Variants in C5 observed in about 807,000 individuals in gnomAD.
C5 encodes the protein complement C5.
C5 carries 140 observed loss-of-function variants against 218.8 expected under a neutral mutation model. That is an observed-to-expected ratio of 0.64 (90% CI 0.56 to 0.74). The LOEUF (loss-of-function observed/expected upper bound fraction) is 0.74. C5 is among the 30% of genes least tolerant of loss of function. C5 has a pLI of 0.00. For missense variants in C5, 1,700 were observed against 1,969.6 expected, an observed-to-expected ratio of 0.86 and a Z score of 2.59; for synonymous variants, 614 against 682.3, an observed-to-expected ratio of 0.90 and a Z score of 1.56.
chr9:121,053,382 T>C (rs2047682364), upstream of C5, among the ~76,000 whole-genome samples: 1 of 152,046 alleles, frequency 6.6e-6, no homozygotes, highest in South Asian at 2.1e-4. Flanking sequence ...CTTCAGTAAC[T>C]CTCCATGGGA....
At chr9:121,042,857 G>A (rs1016005133) in intron 3 of C5, 147 bp downstream of exon 3, 1 of 610,952 alleles carries the variant, frequency 1.6e-6, no homozygotes, top group Non-Finnish European at 2.9e-6. Flanking sequence ...ATATTTGTAA[G>A]TATAGATGTC....
At chr9:121,063,321 A>T in the C5 span, among the ~76,000 whole-genome samples, 39 of 151,566 alleles carry the variant, frequency 2.6e-4, no homozygotes, top group Admixed American at 1.6e-3. Context: ...GTCCCTATTG[A>T]ATTTTTTATT....
At chr9:121,049,913 G>A (rs2047658942) in intron 1 of C5, among the ~76,000 whole-genome samples, 2 of 151,536 alleles carry the variant, frequency 1.3e-5, no homozygotes, top group Admixed American at 1.3e-4. Flanking sequence ...TTTATTATCT[G>A]GAGTTTCTTT....
Position 120,952,747 on chromosome 9 carries a change from C to A in C5, c.5023G>T (p.Gly1675Ter). ...DEFAEDIFLNGC is the reference protein window; with the variant it reads ...DEFAEDIFLN ...GCTGAACTTCAGGAATTTTAGCATC[C>A]ATTTAAAAAGATATCTTCGGCAAAT... The change falls in exon 41 of 41, where the codon GGA becomes TGA. Residue 1675 changes from glycine (G) to a stop codon, truncating the protein, a stop_gained. Transcript: ENST00000223642. LOFTEE classifies it high-confidence loss of function. The A allele has an allele frequency of 6.2e-7, 1 of 1,612,804 alleles. No individual in the cohort carries two copies. The highest frequency in any genetic ancestry group is 1.1e-5 in the South Asian group (1 of 91,030).
intron 24 of C5, 26 bp from the exon 25 acceptor site, chr9:120,989,147 G>A (rs952995788): frequency 3.8e-6 from 6 of 1,562,298 alleles, no homozygotes; most frequent in South Asian, 1.1e-5. Flanking sequence ...AAAAGAACAC[G>A]GTGCTTAACA....
Position 121,036,356 on chromosome 9 carries a change from C to T in C5, c.493-1462G>A, listed in dbSNP as rs369757482. Among the ~76,000 whole-genome samples, 31 of 152,222 alleles carry T rather than the reference C, an allele frequency of 2.0e-4. 1 individual carries two copies. The East Asian group carries it at 3.1e-3, about 15-fold the overall frequency. On this transcript the variant is annotated intron_variant, in intron 4 of 40. Transcript: ENST00000223642. The stretch of plus-strand genomic sequence containing the variant: ...GGATCAGCTTTCTCAATCTTTTCTT[C>T]CTGGGGCAGCTCTTACAAGAGATGA...
chr9:121,000,230 C>T (rs1254606501), intron 20 of C5, among the ~76,000 whole-genome samples: 1 of 152,108 alleles, frequency 6.6e-6, no homozygotes. Context: ...AAGTCAATTT[C>T]CCTTATATTA....
chr9:121,072,812 T>TAAAAAAAAAAAA, the C5 span, among the ~76,000 whole-genome samples: 1 of 98,614 alleles, frequency 1.0e-5, no homozygotes, highest in African/African-American at 3.5e-5. Context: ...TTCAAAAAAT[T>TAAAAAAAAAAAA]AAAAAAAAAA....
the C5 span, among the ~76,000 whole-genome samples, chr9:121,071,231 A>C: frequency 6.6e-6 from 1 of 152,088 alleles, no homozygotes; most frequent in Admixed American, 6.5e-5. Context: ...AAGGCACAAA[A>C]ATTGTTTGAA....
intron 16 of C5, 64 bp downstream of exon 16, chr9:121,015,135 A>G (rs1042314870): frequency 2.9e-6 from 3 of 1,030,022 alleles, no homozygotes; most frequent in African/African-American, 3.2e-5. Context: ...ATAACATTTA[A>G]TTTTGTCCAG....
the C5 span, among the ~76,000 whole-genome samples, chr9:121,064,973 G>A: frequency 6.6e-6 from 1 of 152,130 alleles, no homozygotes; most frequent in Non-Finnish European, 1.5e-5. Context: ...AGGAGGCTGA[G>A]GCAGGAGAAT....
intron 7 of C5, 109 bp downstream of exon 7, chr9:121,030,288 C>A: frequency 3.2e-6 from 2 of 629,014 alleles, no homozygotes; most frequent in Non-Finnish European, 2.8e-6. Flanking sequence ...CAAATCATGG[C>A]ACACTTTGAT....
In C5 at chr9:120,991,180, T is replaced by G; in HGVS notation, c.2941+11A>C. The G allele has an allele frequency of 4.7e-6, 7 of 1,477,684 alleles. 1 individual carries two copies. In the South Asian group the frequency reaches 7.9e-5, roughly 17 times the overall value. The allele number at this position is 1,477,684 out of a possible 1,614,324, so 91.5% of individuals were successfully genotyped here. Reference sequence around the variant, plus strand: ...TGAAATGAGAAATAAAAATGGCATTTGTTAATTTACCTTTTACACTCAAAA... The same window carrying G: ...TGAAATGAGAAATAAAAATGGCATTGGTTAATTTACCTTTTACACTCAAAA... On this transcript the variant is annotated intron_variant, in intron 23 of 40. Transcript: ENST00000223642.
At position 121,002,316 on chromosome 9, in the gene C5, G is replaced by GTGTGTGTGTGTGTATA. The variant is rs572345213; in HGVS notation, c.2562+3602_2562+3603insTATACACACACACACA. Among the ~76,000 whole-genome samples, 136 of 87,368 alleles carry GTGTGTGTGTGTGTATA rather than the reference G, an allele frequency of 1.6e-3. 4 individuals are homozygous for GTGTGTGTGTGTGTATA. The highest frequency in any genetic ancestry group is 6.5e-3 in the Middle Eastern group (1 of 154). The allele number at this position is 87,368 out of a possible 152,430, so 57.3% of individuals were successfully genotyped here. On this transcript the variant is annotated intron_variant, in intron 20 of 40. Transcript: ENST00000223642. ...TATATATGTATATATATATGTGTGTGTATATATATATATATATATATATAT... is the reference window on the plus strand; with the variant it reads ...TATATATGTATATATATATGTGTGTGTGTGTGTGTGTGTATATATATATATATATATATATATATAT...
At position 121,009,849 on chromosome 9, in the gene C5, G is replaced by A. The variant is rs1706080229; in HGVS notation, c.2258-1351C>T. 2.0e-5 allele frequency among the ~76,000 whole-genome samples: 3 copies of A among 152,214 alleles called. No individual in the cohort carries two copies. In the South Asian group the frequency reaches 6.2e-4, roughly 32 times the overall value. ...ATGGAGAATCTCTGTGTTGGGAGAGGGAGAGTGCAGTCATTCTGTGGCTTT... is the reference window on the plus strand; with the variant it reads ...ATGGAGAATCTCTGTGTTGGGAGAGAGAGAGTGCAGTCATTCTGTGGCTTT... On this transcript the variant is annotated intron_variant, in intron 17 of 40. Transcript: ENST00000223642.
At chr9:121,008,131 C>T (rs1298780322) in intron 18 of C5, among the ~76,000 whole-genome samples, 1 of 152,062 alleles carries the variant, frequency 6.6e-6, no homozygotes, top group Non-Finnish European at 1.5e-5. Flanking sequence ...TAGTGTATCG[C>T]ACATAGTTGT....
chr9:121,044,948 C>CTT (rs1158658235), intron 2 of C5, among the ~76,000 whole-genome samples: 48 of 127,802 alleles, frequency 3.8e-4, no homozygotes, highest in South Asian at 5.1e-4. Flanking sequence ...GTAACACTTT[C>CTT]TTTTTTTTTT....
chr9:121,068,654 G>A, the C5 span, among the ~76,000 whole-genome samples: 37 of 152,176 alleles, frequency 2.4e-4, 1 homozygote, highest in Admixed American at 1.6e-3. Context: ...GAACCACAAA[G>A]GAACCCAAAT....
At chr9:121,058,544 T>C in the C5 span, among the ~76,000 whole-genome samples, 8 of 152,198 alleles carry the variant, frequency 5.3e-5, no homozygotes, top group African/African-American at 1.9e-4. Context: ...GTTCAAGTGA[T>C]TCTCATGCCT....
Sources: gnomAD v4.1 joint callset for allele counts (sites outside exome capture counted in the v4.1 genomes callset) on GRCh38, gnomAD v4.1.1 for gene constraint, MANE v1.5 for transcripts, NCBI Gene and HGNC (gene_info 2026-07-23, HGNC 2026-07-21) for gene names.